TUBGCP6: variants seen among roughly 807,000 people sequenced by gnomAD.
TUBGCP6 encodes the protein tubulin gamma complex component 6, also known as gamma-tubulin complex component 6.
A neutral mutation model predicts 175.8 loss-of-function variants in TUBGCP6; 161 were observed. The ratio of observed to expected loss-of-function variants is 0.92; its 90% CI spans 0.81 to 1.04. TUBGCP6 has a LOEUF of 1.04. Ranked by LOEUF, TUBGCP6 falls within the 50% of genes least tolerant of loss-of-function variation. The pLI is 0.00. For missense variants in TUBGCP6, 2,572 were observed against 2,433.0 expected, an observed-to-expected ratio of 1.06 and a Z score of -1.20; for synonymous variants, 1,173 against 1,030.5, an observed-to-expected ratio of 1.14 and a Z score of -2.65.
At chr22:50,239,590 A>T (rs1283518226) in intron 2 of TUBGCP6, among the ~76,000 whole-genome samples, 1 of 152,232 alleles carries the variant, frequency 6.6e-6, no homozygotes, top group Non-Finnish European at 1.5e-5. Context: ...CCAGGGAGTG[A>T]GTGGCTACCG....
rs752547852 is a variant in TUBGCP6 at position 50,226,081 on chromosome 22, G to A, written c.1802C>T (p.Thr601Ile). Reference protein sequence around the residue: ...IAHDIYVCGKTINLLKLCCPR... With the variant: ...IAHDIYVCGKIINLLKLCCPR... ...GCAGCAGAGCTTCAGCAGGTTAATG[G>A]TCTTTCCGCAGACGTATATGTCGTG... Residue 601 changes from threonine to isoleucine, a missense_variant, in exon 9 of 25, where the codon ACC becomes ATC. Coordinates refer to ENST00000248846, the MANE Select transcript of TUBGCP6 (RefSeq NM_020461.4). 2 of 1,614,160 alleles carry A rather than the reference G, an allele frequency of 1.2e-6. No homozygotes were observed. Among genetic ancestry groups the A allele is most frequent in the Admixed American group, 1.7e-5 (1 of 60,028 alleles).
At chr22:50,243,492 C>A (rs1315508104) in intron 1 of TUBGCP6, among the ~76,000 whole-genome samples, 1 of 147,298 alleles carries the variant, frequency 6.8e-6, no homozygotes, top group African/African-American at 2.5e-5. Context: ...GTGGCAGGTG[C>A]CTGTAATTTC....
intron 2 of TUBGCP6, among the ~76,000 whole-genome samples, chr22:50,238,134 GAA>G (rs1364734916): frequency 1.4e-5 from 2 of 141,302 alleles, no homozygotes; most frequent in Admixed American, 1.4e-4. Flanking sequence ...GAAAGAAAAA[GAA>G]AAGAGAGAGA....
In TUBGCP6 at chr22:50,224,338, G is replaced by C. The variant is rs753702719; in HGVS notation, c.2148C>G (p.Asp716Glu). 51 of 1,614,088 alleles carry C rather than the reference G, an allele frequency of 3.2e-5. No homozygotes were observed. Among genetic ancestry groups the C allele is most frequent in the Non-Finnish European group, 3.9e-5 (46 of 1,180,038 alleles). ...FQRLKEQFVK[D>E]QERRQAARQE... is the part of the protein sequence containing the mutation. ...AGGGACAGGTCCTACCCACCTCCTG[G>C]TCCTTCACAAATTGTTCTTTCAGCC... Residue 716 changes from aspartate to glutamate, a missense_variant, in exon 12 of 25, where the codon GAC (aspartate) becomes GAG (glutamate). Transcript: ENST00000248846.
At position 50,226,828 on chromosome 22, in the gene TUBGCP6, C is replaced by A; in HGVS notation, c.1506G>T (p.Leu502=). The change falls in exon 7 of 25, where the codon CTG becomes CTT. Residue 502 remains leucine, a synonymous_variant. Coordinates refer to ENST00000248846, the MANE Select transcript of TUBGCP6 (RefSeq NM_020461.4). ...GCAGAGCCTCCTGGTAGAGGTAGGACAGCAGCTTCACGCCCTGCAGACCGC... is the reference window on the plus strand; with the variant it reads ...GCAGAGCCTCCTGGTAGAGGTAGGAAAGCAGCTTCACGCCCTGCAGACCGC... The part of the protein sequence containing the change: ...RAAFPTGVKL[L]SYLYQEALHN... The A allele has an allele frequency of 1.3e-6, 2 of 1,581,906 alleles. No individual in the cohort carries two copies. Among genetic ancestry groups the A allele is most frequent in the Non-Finnish European group, 1.7e-6 (2 of 1,164,266 alleles).
intron 15 of TUBGCP6, 69 bp from the exon 16 acceptor site, chr22:50,221,943 T>G (rs961532402): frequency 2.5e-6 from 4 of 1,581,610 alleles, no homozygotes; most frequent in Non-Finnish European, 3.4e-6. Context: ...GTCCCCCAAG[T>G]TCAGCTCTGC....
Position 50,221,278 on chromosome 22 carries a change from C to A in TUBGCP6, c.3081G>T (p.Gly1027=), listed in dbSNP as rs1488530215. The change falls in exon 16 of 25, where the codon GGG becomes GGT. Residue 1027 remains glycine (G), a synonymous_variant. Transcript: ENST00000248846. Reference sequence around the variant, plus strand: ...TGGGAAGACCACCCCCTGACACCTGCCCAAAGAGCCGCTCTGTGGGCTGGC... The same window carrying A: ...TGGGAAGACCACCCCCTGACACCTGACCAAAGAGCCGCTCTGTGGGCTGGC... ...GSSQPTERLF[G]QVSGGGLPTG... 1 of 1,614,000 alleles carries A rather than the reference C, an allele frequency of 6.2e-7. No individual in the cohort carries two copies. Among genetic ancestry groups the A allele is most frequent in the Non-Finnish European group, 8.5e-7 (1 of 1,180,042 alleles).
At chr22:50,238,661 C>T (rs2064805907) in intron 2 of TUBGCP6, among the ~76,000 whole-genome samples, 1 of 151,708 alleles carries the variant, frequency 6.6e-6, no homozygotes, top group Non-Finnish European at 1.5e-5. Flanking sequence ...CCTCAGCCTC[C>T]CCAGTAGCTG....
At chr22:50,224,744 T>C (rs1444308864) in intron 10 of TUBGCP6, 152 bp from the exon 11 acceptor site, 5 of 728,318 alleles carry the variant, frequency 6.9e-6, no homozygotes, top group Non-Finnish European at 1.1e-5. Flanking sequence ...CCATCCCTAC[T>C]AAAAATACAA....
rs1442283687 is a variant in TUBGCP6, at chr22:50,222,459, T to G, written c.2404A>C (p.Ile802Leu). ...ATCTGAAGCCGCAGACATACCTGAA[T>G]GTGTTTCTCATCTTCTAAGAGAAAA... ...LRFLLEDEKHIQEMLKAVSEA... is the reference protein window; with the variant it reads ...LRFLLEDEKHLQEMLKAVSEA... Residue 802 changes from isoleucine to leucine, a missense_variant, in exon 14 of 25, where the codon ATT becomes CTT. Ile to Leu is a conservative substitution (Grantham distance 5). Coordinates refer to ENST00000248846, the MANE Select transcript of TUBGCP6 (RefSeq NM_020461.4). 3 of 1,613,750 alleles carry G rather than the reference T, an allele frequency of 1.9e-6. No homozygotes were observed. Among genetic ancestry groups the G allele is most frequent in the Non-Finnish European group, 2.5e-6 (3 of 1,179,990 alleles).
intron 16 of TUBGCP6, 54 bp from the exon 17 acceptor site, chr22:50,220,069 T>C: frequency 6.3e-7 from 1 of 1,584,052 alleles, no homozygotes; most frequent in Non-Finnish European, 8.6e-7. Context: ...CTGTGGCGGG[T>C]ACAGAGCCGA....
intron 2 of TUBGCP6, among the ~76,000 whole-genome samples, chr22:50,236,876 C>A (rs527514404): frequency 2.0e-5 from 3 of 152,302 alleles, no homozygotes; most frequent in African/African-American, 7.2e-5. Context: ...GCCACTTCCA[C>A]CCCATCTCCT....
At chr22:50,224,089 A>C in intron 13 of TUBGCP6, 52 bp downstream of exon 13, 26 of 1,498,870 alleles carry the variant, frequency 1.7e-5, no homozygotes, top group Non-Finnish European at 2.4e-5. Flanking sequence ...AGCCAGAGCT[A>C]TGGGGCCCCT....
chr22:50,242,531 T>C (rs1438004470), intron 1 of TUBGCP6, among the ~76,000 whole-genome samples: 1 of 152,172 alleles, frequency 6.6e-6, no homozygotes, highest in Non-Finnish European at 1.5e-5. Context: ...CACCAAGACA[T>C]TTGCTGTAGC....
chr22:50,225,393 G>T (rs2064590221), intron 10 of TUBGCP6, among the ~76,000 whole-genome samples: 1 of 152,148 alleles, frequency 6.6e-6, no homozygotes, highest in South Asian at 2.1e-4. Flanking sequence ...CAGGAAGGGG[G>T]CTTGCAAAGG....
At chr22:50,230,760 T>C (rs1463287253) in intron 3 of TUBGCP6, among the ~76,000 whole-genome samples, 9 of 128,340 alleles carry the variant, frequency 7.0e-5, no homozygotes, top group Non-Finnish European at 1.3e-4. Flanking sequence ...GCCTGGGTGA[T>C]CCTGTCTCCA....
rs1457170765 is a variant in TUBGCP6 at position 50,218,347 on chromosome 22, C to T, written c.5010G>A (p.Lys1670=). ...CCTTCACGAAATGCTGCATCTCGTG[C>T]TTGAACAGCTGCAGCTGACGGAACT... ...SVQFRQLQLF[K]HEMQHFVKVI... is the part of the protein sequence containing the mutation. The change falls in exon 23 of 25, where the codon AAG becomes AAA. Residue 1670 remains lysine, a synonymous_variant. Coordinates refer to ENST00000248846, the MANE Select transcript of TUBGCP6 (RefSeq NM_020461.4). 1.9e-6 allele frequency: 3 copies of T among 1,613,102 alleles called. No individual in the cohort carries two copies. Among genetic ancestry groups the T allele is most frequent in the South Asian group, 2.2e-5 (2 of 91,086 alleles).
Position 50,243,847 on chromosome 22 carries a change from T to A in TUBGCP6, c.613A>T (p.Arg205Trp). 6.2e-7 allele frequency: 1 copy of A among 1,613,758 alleles called. No homozygotes were observed. ...LFSFGDPCGDRFERDTRVSLF... is the reference protein window; with the variant it reads ...LFSFGDPCGDWFERDTRVSLF... ...GAGACCCGGGTGTCTCTCTCGAACC[T>A]GTCACCACAAGGGTCACCAAATGAG... Residue 205 changes from arginine (R) to tryptophan (W), a missense_variant, in exon 1 of 25, where the codon AGG (arginine) becomes TGG (tryptophan). By Grantham distance (101) the Arg-to-Trp change is moderately radical. Transcript: ENST00000248846.
In TUBGCP6 at chr22:50,244,003, G is replaced by A. The variant is rs1390104375; in HGVS notation, c.457C>T (p.Leu153=). Residue 153 remains leucine (L), a synonymous_variant, in exon 1 of 25, where the codon CTG becomes TTG. Coordinates refer to ENST00000248846, the MANE Select transcript of TUBGCP6 (RefSeq NM_020461.4). ...VPYSGYDCDD[L]SVFEMDVQSL... ...TGAACGTCCATCTCAAACACACTCA[G>A]GTCGTCGCAATCATAGCCGCTGTAC... is the stretch of plus-strand genomic sequence containing the variant. 1 of 1,614,146 alleles carries A rather than the reference G, an allele frequency of 6.2e-7. No individual in the cohort carries two copies. Among genetic ancestry groups the A allele is most frequent in the East Asian group, 2.2e-5 (1 of 44,888 alleles).
Sources: allele counts gnomAD v4.1 joint callset (sites outside exome capture counted in the v4.1 genomes callset), GRCh38; gene constraint gnomAD v4.1.1; transcripts MANE v1.5; gene names NCBI Gene and HGNC (gene_info 2026-07-23, HGNC 2026-07-21).